The following SEM1 variants were observed in gnomAD, a reference collection of about 807,000 sequenced individuals.
The protein encoded by SEM1 is 26S proteasome complex subunit SEM1.
Under a neutral mutation model 12.7 loss-of-function variants are expected in SEM1, and 3 were observed. The ratio of observed to expected loss-of-function variants is 0.24; its 90% confidence interval spans 0.11 to 0.61. The LOEUF (loss-of-function observed/expected upper bound fraction) is 0.61. Among genes scored for constraint, SEM1 ranks in the 20% least tolerant of loss-of-function variants. The pLI, the probability that SEM1 is intolerant of heterozygous loss-of-function variation, is 0.88. For missense variants in SEM1, 59 were observed against 81.3 expected, an observed-to-expected ratio of 0.73 and a Z score of 1.06; for synonymous variants, 30 against 27.8, an observed-to-expected ratio of 1.08 and a Z score of -0.25.
downstream of SEM1, among the ~76,000 whole-genome samples, chr7:96,672,017 G>A (rs1789329395): frequency 6.6e-6 from 1 of 152,232 alleles, no homozygotes; most frequent in Admixed American, 6.5e-5. Flanking sequence ...GACATGGCCT[G>A]TGCCTGCTCT....
intron 2 of SEM1, among the ~76,000 whole-genome samples, chr7:96,542,546 A>C (rs1330711122): frequency 6.6e-6 from 1 of 151,886 alleles, no homozygotes; most frequent in Non-Finnish European, 1.5e-5. Context: ...AAAATAGGAA[A>C]AAGGACACGA....
intron 2 of SEM1, among the ~76,000 whole-genome samples, chr7:96,592,505 T>A (rs1240458272): frequency 6.6e-6 from 1 of 151,902 alleles, no homozygotes; most frequent in African/African-American, 2.4e-5. Flanking sequence ...TATTTATTTA[T>A]TGAGAATATT....
chr7:96,672,488 G>C (rs1352757889), downstream of SEM1: 1 of 152,038 alleles, frequency 6.6e-6, no homozygotes, highest in Non-Finnish European at 1.5e-5. Context: ...ATCACTTCCT[G>C]GATGGTGTCT....
intron 2 of SEM1, among the ~76,000 whole-genome samples, chr7:96,513,714 A>C (rs867674981): frequency 6.6e-6 from 1 of 152,188 alleles, no homozygotes; most frequent in South Asian, 2.1e-4. Context: ...CTGTAATCCC[A>C]GTTACTCGGG....
At chr7:96,666,114 G>A (rs1468890200) in intron 2 of SEM1, among the ~76,000 whole-genome samples, 1 of 152,206 alleles carries the variant, frequency 6.6e-6, no homozygotes, top group African/African-American at 2.4e-5. Flanking sequence ...CCACTCTAGA[G>A]CCATTACATT....
chr7:96,521,840 C>G (rs1317170166), intron 2 of SEM1, among the ~76,000 whole-genome samples: 1 of 152,072 alleles, frequency 6.6e-6, no homozygotes, highest in East Asian at 1.9e-4. Flanking sequence ...AGAATTCAGG[C>G]TGCATTTTCC....
chr7:96,625,527 T>A (rs1808033649), intron 2 of SEM1, among the ~76,000 whole-genome samples: 1 of 152,178 alleles, frequency 6.6e-6, no homozygotes, highest in African/African-American at 2.4e-5. Flanking sequence ...TTGTCACTGC[T>A]CCCCACTGCA....
intron 1 of SEM1, among the ~76,000 whole-genome samples, chr7:96,701,386 C>G (rs570574492): frequency 1.7e-3 from 255 of 152,250 alleles, no homozygotes; most frequent in South Asian, 2.5e-3. Flanking sequence ...AGAGCATGCA[C>G]TCTTTCATTC....
intron 2 of SEM1, among the ~76,000 whole-genome samples, chr7:96,513,439 A>G (rs925801001): frequency 2.6e-5 from 4 of 152,202 alleles, no homozygotes; most frequent in Non-Finnish European, 5.9e-5. Flanking sequence ...AGAGAAGTAT[A>G]AAGTACAGAA....
chr7:96,564,364 G>A (rs1241091136), intron 2 of SEM1, among the ~76,000 whole-genome samples: 1 of 151,818 alleles, frequency 6.6e-6, no homozygotes, highest in Non-Finnish European at 1.5e-5. Context: ...GGAGCAATGG[G>A]ATTTAGCAAG....
At chr7:96,599,247 TTCTCTCTC>T (rs35192987) in intron 2 of SEM1, among the ~76,000 whole-genome samples, 4 of 150,392 alleles carry the variant, frequency 2.7e-5, no homozygotes, top group South Asian at 2.1e-4. Context: ...TTTTTTGCCT[TTCTCTCTC>T]TCTCTCTCTC....
At chr7:96,687,479 T>C (rs1240991495), downstream of SEM1, among the ~76,000 whole-genome samples, 2 of 152,068 alleles carry the variant, frequency 1.3e-5, no homozygotes, top group Non-Finnish European at 2.9e-5. Flanking sequence ...TCATGTCCTT[T>C]GTAGGGACAT....
intron 2 of SEM1, among the ~76,000 whole-genome samples, chr7:96,530,298 G>T (rs1244529717): frequency 6.6e-6 from 1 of 152,108 alleles, no homozygotes; most frequent in Non-Finnish European, 1.5e-5. Flanking sequence ...GCTGCTGGTG[G>T]TGGAGGTCAA....
At chr7:96,643,062 A>C (rs1283376165) in intron 2 of SEM1, among the ~76,000 whole-genome samples, 1 of 152,048 alleles carries the variant, frequency 6.6e-6, no homozygotes, top group Non-Finnish European at 1.5e-5. Context: ...GATTAAGCCT[A>C]GTACCCATTA....
At chr7:96,646,239 T>C (rs1162081281) in intron 2 of SEM1, among the ~76,000 whole-genome samples, 2 of 152,188 alleles carry the variant, frequency 1.3e-5, no homozygotes, top group African/African-American at 4.8e-5. Flanking sequence ...GGCTACTTTT[T>C]ATTACAATGG....
At chr7:96,500,381 G>A (rs565434018), upstream of SEM1, among the ~76,000 whole-genome samples, 8 of 152,166 alleles carry the variant, frequency 5.3e-5, no homozygotes, top group South Asian at 1.5e-3. Flanking sequence ...CTTACTACCT[G>A]TGTTTTTTTA....
At chr7:96,561,294 G>C (rs553149372) in intron 2 of SEM1, among the ~76,000 whole-genome samples, 1 of 152,240 alleles carries the variant, frequency 6.6e-6, no homozygotes, top group African/African-American at 2.4e-5. Context: ...AATGGAAAAG[G>C]GGGTGAGGGT....
intron 2 of SEM1, among the ~76,000 whole-genome samples, chr7:96,593,616 C>T (rs1015909773): frequency 3.9e-5 from 6 of 152,094 alleles, no homozygotes; most frequent in Non-Finnish European, 8.8e-5. Context: ...GAAAATGGGG[C>T]TTTAACATGA....
rs1313733031 is a variant in SEM1 at position 96,511,261 on chromosome 7, C to T, written c.171-4563G>A. On this transcript the variant is annotated intron_variant and NMD_transcript_variant, in intron 2 of 3. Coordinates refer to the SEM1 transcript ENST00000466986. Reference sequence around the variant, plus strand: ...TCATTCATTCAGTCAGTCAGTTATCCAATTGTTATTAATCACCTGCTGAGT... The same window carrying T: ...TCATTCATTCAGTCAGTCAGTTATCTAATTGTTATTAATCACCTGCTGAGT... Among the ~76,000 whole-genome samples, 3 of 152,190 alleles carry T rather than the reference C, an allele frequency of 2.0e-5. No individual in the cohort carries two copies. In the East Asian group the frequency reaches 5.8e-4, roughly 29 times the overall value.
Sources: gnomAD v4.1 joint callset for allele counts (sites outside exome capture counted in the v4.1 genomes callset) on GRCh38, gnomAD v4.1.1 for gene constraint, MANE v1.5 for transcripts, NCBI Gene and HGNC (gene_info 2026-07-23, HGNC 2026-07-21) for gene names.